TMEM132C: variants seen among roughly 807,000 people sequenced by gnomAD.
TMEM132C encodes transmembrane protein 132C.
In TMEM132C, 29 loss-of-function variants were observed where a neutral mutation model predicts 61.4. That is an observed-to-expected ratio of 0.47 (90% confidence interval 0.35 to 0.64). The LOEUF (loss-of-function observed/expected upper bound fraction) is 0.64. Among genes scored for constraint, TMEM132C ranks in the 30% least tolerant of loss-of-function variants. The probability of loss-of-function intolerance (pLI) is 0.00; values close to 1 mark genes in which losing one functional copy is unlikely to be tolerated. For missense variants in TMEM132C, 1,408 were observed against 1,476.9 expected, an observed-to-expected ratio of 0.95 and a Z score of 0.76; for synonymous variants, 656 against 633.1, an observed-to-expected ratio of 1.04 and a Z score of -0.54.
chr12:128,464,887 C>A (rs879495810), intron 2 of TMEM132C, among the ~76,000 whole-genome samples: 3 of 151,702 alleles, frequency 2.0e-5, no homozygotes, highest in Admixed American at 1.3e-4. Context: ...AGCATTAGGG[C>A]CTCAGGTACC....
intron 4 of TMEM132C, among the ~76,000 whole-genome samples, chr12:128,661,651 G>T (rs1954391955): frequency 6.6e-6 from 1 of 152,026 alleles, no homozygotes. Flanking sequence ...AGTTTCCATG[G>T]GTAAGAGAAT....
chr12:128,602,770 T>A (rs1322008162), intron 3 of TMEM132C, among the ~76,000 whole-genome samples: 1 of 152,220 alleles, frequency 6.6e-6, no homozygotes, highest in Non-Finnish European at 1.5e-5. Flanking sequence ...CATTCAGGGC[T>A]TTAACGTCCT....
At chr12:128,498,052 C>T (rs1872030521) in intron 2 of TMEM132C, among the ~76,000 whole-genome samples, 1 of 152,166 alleles carries the variant, frequency 6.6e-6, no homozygotes. Context: ...CCTCCATCCC[C>T]CTAGCATGTT....
chr12:128,696,168 A>G lies in TMEM132C; in HGVS notation c.1929+65A>G, dbSNP rs1256842966. The G allele has an allele frequency of 4.7e-6, 7 of 1,501,322 alleles. No homozygotes were observed. In the East Asian group the frequency reaches 1.2e-4, roughly 27 times the overall value. The allele number at this position is 1,501,322 out of a possible 1,614,324, so 93.0% of individuals were successfully genotyped here. A position where few individuals can be genotyped will look rare whatever the true frequency, so the allele number is the denominator to read the frequency against. On this transcript the variant is annotated intron_variant, in intron 7 of 8. Transcript: ENST00000435159. Reference sequence around the variant, plus strand: ...TGTGTGCAGTGTTGAGGGAGAGTCAATGGGTGGGCAGATCACTGTGGCCGA... The same window carrying G: ...TGTGTGCAGTGTTGAGGGAGAGTCAGTGGGTGGGCAGATCACTGTGGCCGA...
At chr12:128,651,372 G>T in intron 4 of TMEM132C, among the ~76,000 whole-genome samples, 1 of 152,222 alleles carries the variant, frequency 6.6e-6, no homozygotes. Flanking sequence ...TCCTGATGGT[G>T]CTCCTGCAGG....
chr12:128,510,215 T>A (rs934393413), intron 2 of TMEM132C, among the ~76,000 whole-genome samples: 2 of 152,214 alleles, frequency 1.3e-5, no homozygotes, highest in Non-Finnish European at 2.9e-5. Flanking sequence ...CAACTTCTTT[T>A]ATATTGTGAC....
chr12:128,365,938 G>C (rs576686900), intron 1 of TMEM132C, among the ~76,000 whole-genome samples: 1 of 152,168 alleles, frequency 6.6e-6, no homozygotes, highest in Non-Finnish European at 1.5e-5. Flanking sequence ...GAAAGGAAGG[G>C]CCACTTTTTC....
intron 4 of TMEM132C, among the ~76,000 whole-genome samples, chr12:128,629,351 C>CA (rs200724143): frequency 1.3e-5 from 2 of 151,676 alleles, no homozygotes; most frequent in African/African-American, 4.8e-5. Flanking sequence ...CTTGTCTCTG[C>CA]AAAAAAAATT....
chr12:128,436,031 A>G, intron 2 of TMEM132C, among the ~76,000 whole-genome samples: 1 of 152,190 alleles, frequency 6.6e-6, no homozygotes, highest in Non-Finnish European at 1.5e-5. Flanking sequence ...CAAACCTGAC[A>G]AAAACAAGAA....
At chr12:128,592,745 G>A (rs931753936) in intron 3 of TMEM132C, among the ~76,000 whole-genome samples, 1 of 152,228 alleles carries the variant, frequency 6.6e-6, no homozygotes. Flanking sequence ...TTCCCCCATA[G>A]CGAGGACCCC....
chr12:128,515,907 T>C (rs1440714260), intron 2 of TMEM132C, among the ~76,000 whole-genome samples: 1 of 151,940 alleles, frequency 6.6e-6, no homozygotes, highest in Admixed American at 6.6e-5. Flanking sequence ...TATTAGAGGA[T>C]AATGCAAGGG....
intron 4 of TMEM132C, 42 bp from the exon 5 acceptor site, chr12:128,669,375 G>A: frequency 6.5e-7 from 1 of 1,547,982 alleles, no homozygotes; most frequent in Non-Finnish European, 8.7e-7. Flanking sequence ...CAACAGAATG[G>A]AATATCTCCC....
At chr12:128,515,704 G>A (rs1388972737) in intron 2 of TMEM132C, among the ~76,000 whole-genome samples, 1 of 152,202 alleles carries the variant, frequency 6.6e-6, no homozygotes, top group Non-Finnish European at 1.5e-5. Context: ...GCATGGTGGC[G>A]GGTGCCTGTA....
chr12:128,690,583 T>C (rs1251804695), intron 5 of TMEM132C, among the ~76,000 whole-genome samples: 1 of 152,154 alleles, frequency 6.6e-6, no homozygotes, highest in Non-Finnish European at 1.5e-5. Context: ...GGTCTGTAAA[T>C]TACAACATTG....
In TMEM132C at chr12:128,490,805, G is replaced by A. The variant is rs181155162; in HGVS notation, c.975-53152G>A. ...AAGTTCTAAATGCCAAATCTGCATT[G>A]GTTTCGTAAAGAGAATAGTGACTGT... On this transcript the variant is annotated intron_variant, in intron 2 of 8. Transcript: ENST00000435159. Among the ~76,000 whole-genome samples the A allele has an allele frequency of 1.2e-4, 18 of 152,260 alleles. No individual in the cohort carries two copies. The East Asian group carries it at 3.5e-3, about 29-fold the overall frequency.
chr12:128,685,409 G>A (rs1566014695), intron 5 of TMEM132C, among the ~76,000 whole-genome samples: 1 of 152,234 alleles, frequency 6.6e-6, no homozygotes, highest in South Asian at 2.1e-4. Context: ...TAAGGTGTGA[G>A]CTCTGCTGGG....
At chr12:128,568,858 A>G (rs753647513) in intron 3 of TMEM132C, among the ~76,000 whole-genome samples, 2 of 152,302 alleles carry the variant, frequency 1.3e-5, no homozygotes, top group African/African-American at 2.4e-5. Context: ...ACCACAGTCA[A>G]TGTGAAGCCA....
intron 1 of TMEM132C, among the ~76,000 whole-genome samples, chr12:128,367,397 T>C (rs1873902488): frequency 6.6e-6 from 1 of 152,200 alleles, no homozygotes; most frequent in African/African-American, 2.4e-5. Context: ...AAAAATAGCT[T>C]TTCTGGTGAG....
intron 4 of TMEM132C, among the ~76,000 whole-genome samples, chr12:128,645,205 C>T (rs539457138): frequency 2.0e-5 from 3 of 152,282 alleles, no homozygotes; most frequent in South Asian, 2.1e-4. Flanking sequence ...TGGACTATGG[C>T]GCTGTGGCTT....
Sources: gnomAD v4.1 joint callset for allele counts (sites outside exome capture counted in the v4.1 genomes callset) on GRCh38, gnomAD v4.1.1 for gene constraint, MANE v1.5 for transcripts, NCBI Gene and HGNC (gene_info 2026-07-23, HGNC 2026-07-21) for gene names.